The following NPTX2 variants were observed in gnomAD, a reference collection of about 807,000 sequenced individuals.
The protein encoded by NPTX2 is neuronal pentraxin 2, also known as neuronal pentraxin-2.
NPTX2 carries 23 observed loss-of-function variants against 38.1 expected under a neutral mutation model. The ratio of observed to expected loss-of-function variants is 0.60; its 90% CI spans 0.43 to 0.85. The LOEUF (loss-of-function observed/expected upper bound fraction) is 0.85. NPTX2 is among the 40% of genes least tolerant of loss of function. The pLI is 0.00. For missense variants in NPTX2, 553 were observed against 615.3 expected (o/e 0.90, Z 1.07); for synonymous variants, 291 against 287.3 (o/e 1.01, Z -0.13).
chr7:98,625,443 G>T (rs1276825143), intron 3 of NPTX2, among the ~76,000 whole-genome samples: 2 of 152,186 alleles, frequency 1.3e-5, no homozygotes, highest in Admixed American at 1.3e-4. Context: ...AGATCTCCGT[G>T]TGCAGCCTGG....
chr7:98,620,328 A>G (rs1365517612), intron 2 of NPTX2, among the ~76,000 whole-genome samples: 3 of 152,184 alleles, frequency 2.0e-5, no homozygotes, highest in African/African-American at 7.2e-5. Context: ...TCCCAGATGC[A>G]CTAAGCTGAT....
In NPTX2 at chr7:98,617,563, A is replaced by G; in HGVS notation, c.102A>G (p.Pro34=). 1 of 1,478,052 alleles carries G rather than the reference A, an allele frequency of 6.8e-7. No individual in the cohort carries two copies. The highest frequency in any genetic ancestry group is 1.5e-5 in the African/African-American group (1 of 68,188). 91.6% of individuals were successfully genotyped at this position (1,478,052 alleles called of 1,614,324 possible). ...GCTTCGTGTGCACGGCACTGCCCCC[A>G]GAGGCGGTGCACGCCGGCTGCCCGC... ...GSRFVCTALP[P]EAVHAGCPLP... is the part of the protein sequence containing the mutation. The change falls in exon 1 of 5, where the codon CCA becomes CCG. Residue 34 remains proline, a synonymous_variant. Transcript: ENST00000265634.
chr7:98,621,478 A>G (rs188610528), intron 2 of NPTX2, among the ~76,000 whole-genome samples: 8 of 152,330 alleles, frequency 5.3e-5, no homozygotes, highest in Admixed American at 3.3e-4. Context: ...ATGTGCTTTA[A>G]GGAAAGTGAT....
Position 98,617,516 on chromosome 7 carries a change from G to T in NPTX2, c.55G>T (p.Asp19Tyr). ...GCTCGCCGTGGCCGCTGGGGCCCAGGACAGCCCGGCGCCCGGTAGCCGCTT... is the reference window on the plus strand; with the variant it reads ...GCTCGCCGTGGCCGCTGGGGCCCAGTACAGCCCGGCGCCCGGTAGCCGCTT... ...VALAVAAGAQDSPAPGSRFVC... is the reference protein window; with the variant it reads ...VALAVAAGAQYSPAPGSRFVC... The change falls in exon 1 of 5, where the codon GAC becomes TAC. Residue 19 changes from aspartate to tyrosine, a missense_variant. By Grantham distance (160) the Asp-to-Tyr change is radical (BLOSUM62 -3). Coordinates refer to ENST00000265634, the MANE Select transcript of NPTX2 (RefSeq NM_002523.3). 7.2e-7 allele frequency: 1 copy of T among 1,391,984 alleles called. No homozygotes were observed. The highest frequency in any genetic ancestry group is 9.3e-7 in the Non-Finnish European group (1 of 1,075,370). The allele number at this position is 1,391,984 out of a possible 1,614,324, so 86.2% of individuals were successfully genotyped here.
rs759961650 is a variant in NPTX2 at position 98,617,718 on chromosome 7, A to G, written c.257A>G (p.Glu86Gly). ...GGCGCGCAGCGCGAGGCCATCCGCG[A>G]GCTCACGGGCAAGCTAGCGCGCTGC... ...TLGAQREAIRELTGKLARCEG... is the reference protein window; with the variant it reads ...TLGAQREAIRGLTGKLARCEG... Residue 86 changes from glutamate (E) to glycine (G), a missense_variant, in exon 1 of 5, where the codon GAG becomes GGG. Glu to Gly is a moderately conservative substitution (Grantham distance 98, BLOSUM62 -2). Transcript: ENST00000265634. 1.3e-5 allele frequency: 18 copies of G among 1,430,166 alleles called. No homozygotes were observed. The South Asian group carries it at 2.7e-4, about 21-fold the overall frequency. 88.6% of individuals were successfully genotyped at this position (1,430,166 alleles called of 1,614,324 possible). A position where few individuals can be genotyped will look rare whatever the true frequency, so the allele number is the denominator to read the frequency against.
At position 98,622,992 on chromosome 7, in the gene NPTX2, G is replaced by A. The variant is rs138096155; in HGVS notation, c.644-1930G>A. ...GAACTGCGGCCCCCAAGAGCCTTTC[G>A]TGTGTATTATTCACTCTGAGGGACA... On this transcript the variant is annotated intron_variant, in intron 2 of 4. Transcript: ENST00000265634. Among the ~76,000 whole-genome samples the A allele has an allele frequency of 2.9e-3, 435 of 152,262 alleles. 1 individual carries two copies. The highest frequency in any genetic ancestry group is 5.8e-3 in the Admixed American group (89 of 15,304).
Position 98,617,690 on chromosome 7 carries a change from C to T in NPTX2, c.229C>T (p.Leu77=), listed in dbSNP as rs1257185149. 1.4e-6 allele frequency: 2 copies of T among 1,458,810 alleles called. No homozygotes were observed. The highest frequency in any genetic ancestry group is 2.9e-5 in the East Asian group (1 of 34,542). The allele number at this position is 1,458,810 out of a possible 1,614,324, so 90.4% of individuals were successfully genotyped here. The change falls in exon 1 of 5, where the codon CTG becomes TTG. Residue 77 remains leucine, a synonymous_variant. Coordinates refer to ENST00000265634, the MANE Select transcript of NPTX2 (RefSeq NM_002523.3). ...RETVVQQKET[L]GAQREAIREL... Reference sequence around the variant, plus strand: ...GACCGTCGTGCAGCAGAAGGAGACGCTGGGCGCGCAGCGCGAGGCCATCCG... The same window carrying T: ...GACCGTCGTGCAGCAGAAGGAGACGTTGGGCGCGCAGCGCGAGGCCATCCG...
intron 3 of NPTX2, among the ~76,000 whole-genome samples, 165 bp downstream of exon 3, chr7:98,625,331 C>T (rs1413476492): frequency 4.1e-5 from 6 of 145,548 alleles, no homozygotes; most frequent in Admixed American, 1.4e-4. Flanking sequence ...TTGCACACGC[C>T]GGGCGGCTCA....
chr7:98,628,612 C>A lies in NPTX2; in HGVS notation c.1279C>A (p.Arg427Ser). 1.3e-6 allele frequency: 2 copies of A among 1,551,856 alleles called. No individual in the cohort carries two copies. The highest frequency in any genetic ancestry group is 1.8e-6 in the Non-Finnish European group (2 of 1,139,194). ...SKWPVETCEE[R>S]LLDL Reference sequence around the variant, plus strand: ...GTGGCCCGTGGAGACGTGTGAGGAGCGTCTCCTTGACTTGTAGCCGCCTTC... The same window carrying A: ...GTGGCCCGTGGAGACGTGTGAGGAGAGTCTCCTTGACTTGTAGCCGCCTTC... Residue 427 changes from arginine (R) to serine (S), a missense_variant, in exon 5 of 5, where the codon CGT becomes AGT. By Grantham distance (110) the Arg-to-Ser change is moderately radical. Coordinates refer to ENST00000265634, the MANE Select transcript of NPTX2 (RefSeq NM_002523.3).
intron 3 of NPTX2, 29 bp from the exon 4 acceptor site, chr7:98,627,136 G>C (rs1200753618): frequency 1.3e-6 from 2 of 1,580,180 alleles, no homozygotes; most frequent in Non-Finnish European, 1.7e-6. Context: ...GGGCCCAGCA[G>C]GTCCTTACCT....
rs1036945297 is a variant in NPTX2 at position 98,617,504 on chromosome 7, G to T, written c.43G>T (p.Ala15Ser). ...CGCCAGCGTGGCGCTCGCCGTGGCCGCTGGGGCCCAGGACAGCCCGGCGCC... is the reference window on the plus strand; with the variant it reads ...CGCCAGCGTGGCGCTCGCCGTGGCCTCTGGGGCCCAGGACAGCCCGGCGCC... The part of the protein sequence containing the change: ...LAASVALAVA[A>S]GAQDSPAPGS... Residue 15 changes from alanine (A) to serine (S), a missense_variant, in exon 1 of 5, where the codon GCT (alanine) becomes TCT (serine). Coordinates refer to ENST00000265634, the MANE Select transcript of NPTX2 (RefSeq NM_002523.3). 9 of 1,281,504 alleles carry T rather than the reference G, an allele frequency of 7.0e-6. No homozygotes were observed. The African/African-American group carries it at 1.2e-4, about 18-fold the overall frequency. The allele number at this position is 1,281,504 out of a possible 1,614,324, so 79.4% of individuals were successfully genotyped here.
intron 2 of NPTX2, among the ~76,000 whole-genome samples, chr7:98,623,643 C>G (rs1791303854): frequency 6.6e-6 from 1 of 152,130 alleles, no homozygotes; most frequent in South Asian, 2.1e-4. Flanking sequence ...ACCAAAAAGC[C>G]ACTTTTGAGT....
chr7:98,618,569 T>TCCC (rs145792464), intron 1 of NPTX2, among the ~76,000 whole-genome samples: 45 of 30,094 alleles, frequency 1.5e-3, no homozygotes, highest in African/African-American at 3.2e-3. Context: ...TCTCTCTCTC[T>TCCC]CCCCCCCTCC....
At chr7:98,626,042 A>G (rs1791341945) in intron 3 of NPTX2, among the ~76,000 whole-genome samples, 1 of 149,646 alleles carries the variant, frequency 6.7e-6, no homozygotes, top group Admixed American at 6.7e-5. Flanking sequence ...GCTACTCGGG[A>G]GGCTGAGGCA....
At position 98,626,725 on chromosome 7, in the gene NPTX2, TCACA is replaced by T. The variant is rs144474064; in HGVS notation, c.889-436_889-433del. ...GTGAGTTCCCTGCTCACACAGATAC[TCACA>T]CACGTGCCGCTGCGCAGGGAGGACG... On this transcript the variant is annotated intron_variant, in intron 3 of 4. Coordinates refer to ENST00000265634, the MANE Select transcript of NPTX2 (RefSeq NM_002523.3). 1.0e-2 allele frequency among the ~76,000 whole-genome samples: 1,519 copies of T among 152,234 alleles called. 22 individuals carry two copies. The highest frequency in any genetic ancestry group is 0.035 in the African/African-American group (1,453 of 41,518).
intron 4 of NPTX2, 38 bp downstream of exon 4, chr7:98,627,382 T>C: frequency 6.3e-7 from 1 of 1,579,502 alleles, no homozygotes; most frequent in African/African-American, 1.3e-5. Context: ...ACAGGGTGGG[T>C]GCAGGATGGG....
Position 98,617,490 on chromosome 7 carries a change from C to T in NPTX2, c.29C>T (p.Ala10Val), listed in dbSNP as rs1200136194. The T allele has an allele frequency of 5.2e-5, 65 of 1,241,054 alleles. No homozygotes were observed. The highest frequency in any genetic ancestry group is 1.3e-4 in the Admixed American group (3 of 23,366). 76.9% of individuals were successfully genotyped at this position (1,241,054 alleles called of 1,614,324 possible). Residue 10 changes from alanine (A) to valine (V), a missense_variant, in exon 1 of 5, where the codon GCG becomes GTG. Ala to Val is a moderately conservative substitution (Grantham distance 64). Coordinates refer to ENST00000265634, the MANE Select transcript of NPTX2 (RefSeq NM_002523.3). MLALLAASV[A>V]LAVAAGAQDS... is the part of the protein sequence containing the mutation. Reference sequence around the variant, plus strand: ...CTGGCGCTGCTGGCCGCCAGCGTGGCGCTCGCCGTGGCCGCTGGGGCCCAG... The same window carrying T: ...CTGGCGCTGCTGGCCGCCAGCGTGGTGCTCGCCGTGGCCGCTGGGGCCCAG...
chr7:98,621,667 G>A (rs1051942846), intron 2 of NPTX2, among the ~76,000 whole-genome samples: 3 of 152,198 alleles, frequency 2.0e-5, no homozygotes, highest in African/African-American at 4.8e-5. Flanking sequence ...CAGGCAGGGG[G>A]CCTTGGTGGG....
rs564910872 is a variant in NPTX2, at chr7:98,628,617, C to G, written c.1284C>G (p.Leu428=). The change falls in exon 5 of 5, where the codon CTC becomes CTG. Residue 428 remains leucine (L), a synonymous_variant. Coordinates refer to ENST00000265634, the MANE Select transcript of NPTX2 (RefSeq NM_002523.3). ...KWPVETCEER[L]LDL ...CCGTGGAGACGTGTGAGGAGCGTCT[C>G]CTTGACTTGTAGCCGCCTTCTCCTC... 3 of 1,536,718 alleles carry G rather than the reference C, an allele frequency of 2.0e-6. No homozygotes were observed. Among genetic ancestry groups the G allele is most frequent in the Admixed American group, 1.8e-5 (1 of 55,084 alleles).
Sources: gnomAD v4.1 joint callset for allele counts (sites outside exome capture counted in the v4.1 genomes callset) on GRCh38, gnomAD v4.1.1 for gene constraint, MANE v1.5 for transcripts, NCBI Gene and HGNC (gene_info 2026-07-23, HGNC 2026-07-21) for gene names.